Variants in SLC16A4 observed in about 807,000 individuals in gnomAD.
SLC16A4 encodes the protein probable monocarboxylate transporter 5.
Under a neutral mutation model 47.9 loss-of-function variants are expected in SLC16A4, and 39 were observed. That is an observed-to-expected ratio of 0.81 (90% CI 0.63 to 1.06). The LOEUF (loss-of-function observed/expected upper bound fraction) is 1.06. Ranked by LOEUF, SLC16A4 falls within the 50% of genes least tolerant of loss-of-function variation. The pLI is 0.00. For synonymous variants in SLC16A4, 189 were observed against 199.9 expected (o/e 0.95, Z 0.46); for missense variants, 524 against 573.8 (o/e 0.91, Z 0.89).
At chr1:110,369,386 G>A (rs990394130) in intron 8 of SLC16A4, among the ~76,000 whole-genome samples, 1 of 152,124 alleles carries the variant, frequency 6.6e-6, no homozygotes, top group African/African-American at 2.4e-5. Context: ...GATTGCTTGA[G>A]CTCAGTAGTT....
intron 8 of SLC16A4, among the ~76,000 whole-genome samples, chr1:110,367,050 T>C (rs137911360): frequency 1.3e-5 from 2 of 152,264 alleles, no homozygotes; most frequent in South Asian, 4.1e-4. Context: ...TGCAGAAATA[T>C]ACATATGACT....
intron 8 of SLC16A4, among the ~76,000 whole-genome samples, chr1:110,364,342 C>A (rs1394694060): frequency 6.6e-6 from 1 of 151,896 alleles, no homozygotes; most frequent in African/African-American, 2.4e-5. Flanking sequence ...CTTGCCCTCA[C>A]AGAACTTTAG....
intron 8 of SLC16A4, 128 bp downstream of exon 8, chr1:110,375,330 T>TA: frequency 4.6e-6 from 3 of 653,444 alleles, no homozygotes; most frequent in Non-Finnish European, 8.4e-6. Context: ...AGTGAGTAGA[T>TA]ATAGGAAAAG....
chr1:110,377,604 T>C (rs2101029141), intron 6 of SLC16A4, among the ~76,000 whole-genome samples: 1 of 152,230 alleles, frequency 6.6e-6, no homozygotes, highest in South Asian at 2.1e-4. Context: ...AAGTCTTCTG[T>C]TAAAAAAGGA....
At chr1:110,372,246 A>T (rs1290787870) in intron 8 of SLC16A4, 1 of 152,158 alleles carries the variant, frequency 6.6e-6, no homozygotes, top group Non-Finnish European at 1.5e-5. Flanking sequence ...TTGACTGAAG[A>T]TTATTATGAA....
intron 8 of SLC16A4, among the ~76,000 whole-genome samples, chr1:110,374,180 A>T (rs2101012972): frequency 6.6e-6 from 1 of 152,188 alleles, no homozygotes. Flanking sequence ...AGCTGGGATT[A>T]TAGGCATCTG....
At chr1:110,387,580 T>C (rs958303497) in intron 2 of SLC16A4, among the ~76,000 whole-genome samples, 1 of 152,192 alleles carries the variant, frequency 6.6e-6, no homozygotes, top group Non-Finnish European at 1.5e-5. Flanking sequence ...AGTGGGACAG[T>C]GTTTATTAAT....
chr1:110,386,654 C>T (rs1159295961), intron 2 of SLC16A4, among the ~76,000 whole-genome samples: 2 of 152,192 alleles, frequency 1.3e-5, no homozygotes, highest in African/African-American at 4.8e-5. Flanking sequence ...GTTGGATCAG[C>T]CTCAGTGACT....
Position 110,379,198 on chromosome 1 carries a change from AGT to A in SLC16A4, c.683_684del (p.His228LeufsTer3), listed in dbSNP as rs750757849. On this transcript the variant is annotated frameshift_variant, in exon 6 of 9. Coordinates refer to ENST00000369779, the MANE Select transcript of SLC16A4 (RefSeq NM_004696.3). LOFTEE classifies it high-confidence loss of function. ...ATGGTAGACTCTTCTGTCTCATGGC[AGT>A]GTGTTTCTGTTGCATGTGCCTCTGG... is the stretch of plus-strand genomic sequence containing the variant. ...HGPEAHATET[H>X]CHETEESTIK... The A allele has an allele frequency of 1.9e-6, 3 of 1,614,056 alleles. No individual in the cohort carries two copies. In the African/African-American group the frequency reaches 4.0e-5, roughly 22 times the overall value.
intron 2 of SLC16A4, among the ~76,000 whole-genome samples, chr1:110,386,869 G>A (rs1662762692): frequency 6.6e-6 from 1 of 152,166 alleles, no homozygotes; most frequent in African/African-American, 2.4e-5. Flanking sequence ...GGCCCCCACT[G>A]CTCCACTGTA....
chr1:110,363,961 G>A, intron 8 of SLC16A4, 68 bp from the exon 9 acceptor site: 1 of 1,519,582 alleles, frequency 6.6e-7, no homozygotes, highest in Non-Finnish European at 8.8e-7. Flanking sequence ...GCCATGAATA[G>A]CTCCTCAAAG....
At chr1:110,368,518 C>T (rs577917557) in intron 8 of SLC16A4, among the ~76,000 whole-genome samples, 1 of 152,296 alleles carries the variant, frequency 6.6e-6, no homozygotes, top group East Asian at 1.9e-4. Context: ...TAACTCCATC[C>T]TGGGTGGCAC....
At chr1:110,379,490 CTTA>C (rs1662229859) in intron 5 of SLC16A4, 134 bp from the exon 6 acceptor site, 3 of 810,282 alleles carry the variant, frequency 3.7e-6, no homozygotes, top group South Asian at 1.9e-5. Context: ...TCCGATTTGA[CTTA>C]TTAGTCATAT....
intron 6 of SLC16A4, among the ~76,000 whole-genome samples, chr1:110,378,003 G>A (rs1570643214): frequency 6.6e-6 from 1 of 152,034 alleles, no homozygotes; most frequent in Non-Finnish European, 1.5e-5. Flanking sequence ...CTAATTTTTT[G>A]TATTTTTAGT....
chr1:110,374,520 C>G (rs981616747), intron 8 of SLC16A4, among the ~76,000 whole-genome samples: 3 of 152,198 alleles, frequency 2.0e-5, no homozygotes, highest in Non-Finnish European at 4.4e-5. Context: ...AATTTGTACA[C>G]TGAAATACAT....
At chr1:110,364,359 G>C (rs982341809) in intron 8 of SLC16A4, among the ~76,000 whole-genome samples, 4 of 152,092 alleles carry the variant, frequency 2.6e-5, no homozygotes, top group African/African-American at 9.7e-5. Context: ...TTAGTGGGGA[G>C]ATAGGTACCA....
At chr1:110,387,079 C>T (rs1662773186) in intron 2 of SLC16A4, among the ~76,000 whole-genome samples, 1 of 152,174 alleles carries the variant, frequency 6.6e-6, no homozygotes, top group Admixed American at 6.5e-5. Flanking sequence ...CATCAACTAT[C>T]CCCTTCATCC....
chr1:110,383,817 T>G (rs7545491), intron 2 of SLC16A4, among the ~76,000 whole-genome samples: 2,713 of 59,826 alleles, frequency 0.045, 59 homozygotes, highest in Non-Finnish European at 0.082. Context: ...TTTTTTTTTT[T>G]TTTTTTTTTT....
At chr1:110,387,888 A>G (rs1350345809) in intron 2 of SLC16A4, among the ~76,000 whole-genome samples, 1 of 55,030 alleles carries the variant, frequency 1.8e-5, no homozygotes, top group Admixed American at 2.0e-4. Flanking sequence ...TTATGTGTTA[A>G]GAGTTTTGTA....
Sources: gnomAD v4.1 joint callset for allele counts (sites outside exome capture counted in the v4.1 genomes callset) on GRCh38, gnomAD v4.1.1 for gene constraint, MANE v1.5 for transcripts, NCBI Gene and HGNC (gene_info 2026-07-23, HGNC 2026-07-21) for gene names.